Variants in ERC2 observed in about 807,000 individuals in gnomAD.
ERC2 encodes ELKS/RAB6-interacting/CAST family member 2, also known as ERC protein 2.
ERC2 carries 42 observed loss-of-function variants against 114.8 expected under a neutral mutation model. That is an observed-to-expected ratio of 0.37 (90% CI 0.29 to 0.47). ERC2 has a LOEUF of 0.47. Among genes scored for constraint, ERC2 ranks in the 20% least tolerant of loss-of-function variants. The pLI is 0.99. For missense variants in ERC2, 939 were observed against 1,150.7 expected (o/e 0.82, Z 2.66); for synonymous variants, 454 against 425.5 (o/e 1.07, Z -0.82).
In ERC2 at chr3:56,290,001, T is replaced by C. The variant is rs1340187119; in HGVS notation, c.1074+6018A>G. ...AGCACAGGACAATACTTGATAATTATGAGCTGTTCCTCTTATTGCTCACCT... is the reference window on the plus strand; with the variant it reads ...AGCACAGGACAATACTTGATAATTACGAGCTGTTCCTCTTATTGCTCACCT... On this transcript the variant is annotated intron_variant, in intron 3 of 17. Transcript: ENST00000288221. Among the ~76,000 whole-genome samples the C allele has an allele frequency of 2.0e-5, 3 of 152,226 alleles. No individual in the cohort carries two copies. In the South Asian group the frequency reaches 6.2e-4, roughly 32 times the overall value.
intron 3 of ERC2, 37 bp downstream of exon 3, chr3:56,295,982 A>C (rs1244212472): frequency 6.6e-7 from 1 of 1,516,784 alleles, no homozygotes; most frequent in African/African-American, 1.4e-5. Flanking sequence ...TTCACTTATA[A>C]ATTAAGGCTT....
At chr3:55,993,534 A>T (rs1320058498) in intron 10 of ERC2, among the ~76,000 whole-genome samples, 1 of 152,150 alleles carries the variant, frequency 6.6e-6, no homozygotes, top group African/African-American at 2.4e-5. Flanking sequence ...GTATAAATAA[A>T]ATAAATTTCA....
chr3:55,812,542 T>C (rs1229370158), intron 14 of ERC2, among the ~76,000 whole-genome samples: 1 of 152,186 alleles, frequency 6.6e-6, no homozygotes, highest in Non-Finnish European at 1.5e-5. Flanking sequence ...TATAATCTGA[T>C]GAAACAGGCA....
intron 14 of ERC2, among the ~76,000 whole-genome samples, chr3:55,779,819 T>C (rs1395733996): frequency 6.6e-6 from 1 of 152,178 alleles, no homozygotes; most frequent in African/African-American, 2.4e-5. Flanking sequence ...TTATCAGTGG[T>C]ACACATCAGA....
At chr3:55,939,118 T>C (rs1428390143) in intron 13 of ERC2, among the ~76,000 whole-genome samples, 1 of 152,232 alleles carries the variant, frequency 6.6e-6, no homozygotes, top group Non-Finnish European at 1.5e-5. Flanking sequence ...GTACAATTTT[T>C]TAAAAGTACA....
intron 17 of ERC2, among the ~76,000 whole-genome samples, chr3:55,560,928 C>T (rs1439368262): frequency 6.6e-6 from 1 of 152,134 alleles, no homozygotes; most frequent in African/African-American, 2.4e-5. Context: ...CAGTAAGCCC[C>T]TAATATTCCT....
chr3:55,879,159 A>C (rs1400315931), intron 14 of ERC2, among the ~76,000 whole-genome samples: 2 of 141,056 alleles, frequency 1.4e-5, no homozygotes, highest in Non-Finnish European at 3.0e-5. Flanking sequence ...AGGAACGAAA[A>C]AGAGCCCAGC....
At chr3:56,402,999 G>C (rs778112649) in intron 2 of ERC2, among the ~76,000 whole-genome samples, 11 of 152,110 alleles carry the variant, frequency 7.2e-5, no homozygotes, top group Non-Finnish European at 1.5e-4. Flanking sequence ...CCTCCCAACT[G>C]TGGTAACCAA....
At chr3:55,540,732 G>A (rs1364780088) in intron 17 of ERC2, among the ~76,000 whole-genome samples, 1 of 152,200 alleles carries the variant, frequency 6.6e-6, no homozygotes, top group Non-Finnish European at 1.5e-5. Context: ...ATGAATAGCT[G>A]CTTTTAAAGT....
At chr3:56,052,350 C>CG (rs1560093256) in intron 7 of ERC2, among the ~76,000 whole-genome samples, 1 of 152,204 alleles carries the variant, frequency 6.6e-6, no homozygotes, top group East Asian at 1.9e-4. Flanking sequence ...GCCAGTATTA[C>CG]GGGAAAAGGC....
At chr3:56,046,447 A>G (rs1477592239) in intron 7 of ERC2, among the ~76,000 whole-genome samples, 1 of 152,182 alleles carries the variant, frequency 6.6e-6, no homozygotes, top group Admixed American at 6.5e-5. Flanking sequence ...GGCATCTTTC[A>G]TGAGAAAGCA....
intron 15 of ERC2, among the ~76,000 whole-genome samples, chr3:55,714,218 C>T (rs1371677925): frequency 2.0e-5 from 3 of 152,124 alleles, no homozygotes; most frequent in Non-Finnish European, 4.4e-5. Flanking sequence ...CTTTCATCCA[C>T]TGTTGGCAGG....
chr3:56,118,304 T>C (rs886804452), intron 6 of ERC2, among the ~76,000 whole-genome samples: 4 of 152,148 alleles, frequency 2.6e-5, no homozygotes, highest in South Asian at 2.1e-4. Context: ...CAGAGGATCA[T>C]TGTGAGGGTT....
At chr3:55,569,270 G>A (rs539081090) in intron 17 of ERC2, among the ~76,000 whole-genome samples, 4 of 152,216 alleles carry the variant, frequency 2.6e-5, no homozygotes, top group South Asian at 4.2e-4. Context: ...CGCATTTGGC[G>A]GCAAGAAAGG....
intron 10 of ERC2, among the ~76,000 whole-genome samples, chr3:55,998,742 A>C (rs563911051): frequency 5.3e-5 from 8 of 152,330 alleles, no homozygotes; most frequent in Non-Finnish European, 1.0e-4. Flanking sequence ...CCTACAAAGC[A>C]GGACATTAAC....
chr3:56,136,176 C>T (rs2080494079), intron 6 of ERC2, among the ~76,000 whole-genome samples: 1 of 152,292 alleles, frequency 6.6e-6, no homozygotes, highest in East Asian at 1.9e-4. Context: ...ATCCTACCAA[C>T]TCCCAAATGC....
intron 2 of ERC2, among the ~76,000 whole-genome samples, chr3:56,320,664 G>GA (rs2057087430): frequency 6.6e-6 from 1 of 150,774 alleles, no homozygotes; most frequent in Admixed American, 6.6e-5. Context: ...TGTACATCAA[G>GA]AAAAAAAATA....
chr3:55,562,301 C>T (rs1463505610), intron 17 of ERC2, among the ~76,000 whole-genome samples: 3 of 151,912 alleles, frequency 2.0e-5, no homozygotes, highest in African/African-American at 2.4e-5. Flanking sequence ...TACAGTTGCC[C>T]GCCACCATGC....
At chr3:55,701,623 C>A (rs2063229597) in intron 15 of ERC2, among the ~76,000 whole-genome samples, 7 of 151,650 alleles carry the variant, frequency 4.6e-5, no homozygotes, top group Admixed American at 4.6e-4. Context: ...TAAAAAATCC[C>A]AGGCAACCTC....
Sources: allele counts gnomAD v4.1 joint callset (sites outside exome capture counted in the v4.1 genomes callset), GRCh38; gene constraint gnomAD v4.1.1; transcripts MANE v1.5; gene names NCBI Gene and HGNC (gene_info 2026-07-23, HGNC 2026-07-21).